The following HS6ST3 variants were observed in gnomAD, a reference collection of about 807,000 sequenced individuals.
The protein encoded by HS6ST3 is heparan-sulfate 6-O-sulfotransferase 3.
HS6ST3 carries 12 observed loss-of-function variants against 36.7 expected under a neutral mutation model. The ratio of observed to expected loss-of-function variants is 0.33; its 90% CI spans 0.21 to 0.53. The LOEUF (loss-of-function observed/expected upper bound fraction) is 0.53, where lower values mean the gene tolerates loss of function less well. Ranked by LOEUF, HS6ST3 falls within the 20% of genes least tolerant of loss-of-function variation. HS6ST3 has a pLI of 0.95. For synonymous variants in HS6ST3, 240 were observed against 257.5 expected (o/e 0.93, Z 0.65); for missense variants, 584 against 640.9 (o/e 0.91, Z 0.96).
intron 1 of HS6ST3, among the ~76,000 whole-genome samples, chr13:96,801,432 A>G (rs1878066970): frequency 6.6e-6 from 1 of 151,956 alleles, no homozygotes; most frequent in Non-Finnish European, 1.5e-5. Flanking sequence ...AGGTTTATTT[A>G]CCCTTCTGCT....
chr13:96,602,729 A>G (rs1566408705), intron 1 of HS6ST3, among the ~76,000 whole-genome samples: 1 of 152,108 alleles, frequency 6.6e-6, no homozygotes, highest in Admixed American at 6.5e-5. Context: ...GCCACAGTGG[A>G]TCTAGAACTG....
intron 1 of HS6ST3, among the ~76,000 whole-genome samples, chr13:96,554,816 C>G (rs1329230520): frequency 6.6e-6 from 1 of 151,972 alleles, no homozygotes; most frequent in African/African-American, 2.4e-5. Flanking sequence ...TGCTTGTAGT[C>G]CCAGCACTTT....
intron 1 of HS6ST3, among the ~76,000 whole-genome samples, chr13:96,421,215 G>A (rs1406843412): frequency 6.6e-6 from 1 of 152,086 alleles, no homozygotes. Context: ...TGCACAAAAA[G>A]TCCCTTTGTA....
Position 96,542,048 on chromosome 13 carries a change from A to G in HS6ST3, c.708-290442A>G, listed in dbSNP as rs530576483. 6.1e-4 allele frequency among the ~76,000 whole-genome samples: 93 copies of G among 152,218 alleles called. 2 individuals are homozygous for G. The highest frequency in any genetic ancestry group is 1.1e-3 in the Non-Finnish European group (77 of 68,038). ...TTTACCTCCTGTGTATTAGTTATGCATATCTACAGATCTGAAACCTTTTTG... is the reference window on the plus strand; with the variant it reads ...TTTACCTCCTGTGTATTAGTTATGCGTATCTACAGATCTGAAACCTTTTTG... On this transcript the variant is annotated intron_variant, in intron 1 of 1. Transcript: ENST00000376705.
chr13:96,778,030 A>G (rs1877433131), intron 1 of HS6ST3, among the ~76,000 whole-genome samples: 1 of 152,184 alleles, frequency 6.6e-6, no homozygotes, highest in African/African-American at 2.4e-5. Context: ...CACATCTACA[A>G]CCATCTGATC....
At chr13:96,784,517 A>T (rs1191494948) in intron 1 of HS6ST3, among the ~76,000 whole-genome samples, 1 of 152,194 alleles carries the variant, frequency 6.6e-6, no homozygotes, top group Non-Finnish European at 1.5e-5. Flanking sequence ...TAATGTCATC[A>T]TTATTTTTTG....
chr13:96,245,564 G>C (rs1418922750), intron 1 of HS6ST3, among the ~76,000 whole-genome samples: 1 of 152,084 alleles, frequency 6.6e-6, no homozygotes, highest in Non-Finnish European at 1.5e-5. Context: ...CCTATTGGTT[G>C]CTCCCTACAG....
intron 1 of HS6ST3, among the ~76,000 whole-genome samples, chr13:96,535,594 C>T (rs759136008): frequency 8.0e-5 from 12 of 149,802 alleles, no homozygotes; most frequent in South Asian, 4.2e-4. Context: ...ATCTTGAAAT[C>T]TAGGTAGGGT....
chr13:96,348,223 A>G (rs963799222), intron 1 of HS6ST3, among the ~76,000 whole-genome samples: 2 of 152,228 alleles, frequency 1.3e-5, no homozygotes, highest in African/African-American at 4.8e-5. Context: ...GTCAACTGAA[A>G]GAAACTAATA....
intron 1 of HS6ST3, among the ~76,000 whole-genome samples, chr13:96,340,575 G>A (rs2055125038): frequency 6.6e-6 from 1 of 152,180 alleles, no homozygotes; most frequent in Non-Finnish European, 1.5e-5. Context: ...ATAGACACAG[G>A]TGCAGTGCCA....
chr13:96,150,404 T>G (rs929885416), intron 1 of HS6ST3, among the ~76,000 whole-genome samples: 1 of 152,104 alleles, frequency 6.6e-6, no homozygotes, highest in Non-Finnish European at 1.5e-5. Context: ...AACTGGCAGC[T>G]TGGTTTTTAG....
chr13:96,215,046 G>C (rs898351892), intron 1 of HS6ST3, among the ~76,000 whole-genome samples: 7 of 152,116 alleles, frequency 4.6e-5, no homozygotes, highest in Non-Finnish European at 1.0e-4. Flanking sequence ...AGTGGGAGGG[G>C]GTCGTCAAAC....
chr13:96,749,125 C>T (rs1876633757), intron 1 of HS6ST3, among the ~76,000 whole-genome samples: 1 of 152,122 alleles, frequency 6.6e-6, no homozygotes, highest in South Asian at 2.1e-4. Context: ...CTAAAATGAG[C>T]AACTTTCAGG....
intron 1 of HS6ST3, among the ~76,000 whole-genome samples, chr13:96,115,668 C>T (rs2053890803): frequency 6.6e-6 from 1 of 152,152 alleles, no homozygotes; most frequent in South Asian, 2.1e-4. Context: ...GGGTTGGTTC[C>T]ATGACTTTGC....
intron 1 of HS6ST3, among the ~76,000 whole-genome samples, chr13:96,303,003 A>G (rs915673864): frequency 3.3e-5 from 5 of 152,186 alleles, no homozygotes; most frequent in South Asian, 4.1e-4. Context: ...TTTTCATGCT[A>G]CAGTGTTAAG....
intron 1 of HS6ST3, among the ~76,000 whole-genome samples, chr13:96,201,721 CG>C (rs1359649833): frequency 6.6e-6 from 1 of 152,084 alleles, no homozygotes; most frequent in Non-Finnish European, 1.5e-5. Context: ...TATATGAATA[CG>C]TTTTCGTGAA....
chr13:96,382,922 AG>A (rs1325507578), intron 1 of HS6ST3, among the ~76,000 whole-genome samples: 1 of 152,226 alleles, frequency 6.6e-6, no homozygotes, highest in African/African-American at 2.4e-5. Context: ...TATATCAAAG[AG>A]AAAAAATACA....
At chr13:96,810,473 G>A (rs1006006699) in intron 1 of HS6ST3, among the ~76,000 whole-genome samples, 4 of 152,142 alleles carry the variant, frequency 2.6e-5, no homozygotes, top group Non-Finnish European at 5.9e-5. Context: ...TTTACTTAAT[G>A]CTTATTCTAT....
chr13:96,657,419 G>A (rs569338268), intron 1 of HS6ST3, among the ~76,000 whole-genome samples: 2 of 152,044 alleles, frequency 1.3e-5, no homozygotes, highest in South Asian at 4.1e-4. Context: ...TACTTGGGAG[G>A]CTGAAGTGGG....
Sources: allele counts gnomAD v4.1 joint callset (sites outside exome capture counted in the v4.1 genomes callset), GRCh38; gene constraint gnomAD v4.1.1; transcripts MANE v1.5; gene names NCBI Gene and HGNC (gene_info 2026-07-23, HGNC 2026-07-21).